The following ZFAND3 variants were observed in gnomAD, a reference collection of about 807,000 sequenced individuals.
ZFAND3 encodes AN1-type zinc finger protein 3.
ZFAND3 carries 10 observed loss-of-function variants against 29.6 expected under a neutral mutation model. The ratio of observed to expected loss-of-function variants is 0.34; its 90% CI spans 0.21 to 0.57. The LOEUF (loss-of-function observed/expected upper bound fraction) is 0.57. Ranked by LOEUF, ZFAND3 falls within the 20% of genes least tolerant of loss-of-function variation. The probability of loss-of-function intolerance (pLI) is 0.86; values close to 1 mark genes in which losing one functional copy is unlikely to be tolerated. For synonymous variants in ZFAND3, 128 were observed against 112.6 expected (o/e 1.14, Z -0.87); for missense variants, 230 against 304.5 (o/e 0.76, Z 1.82).
intron 2 of ZFAND3, among the ~76,000 whole-genome samples, chr6:37,963,856 T>C (rs1310680055): frequency 6.6e-6 from 1 of 152,168 alleles, no homozygotes; most frequent in Non-Finnish European, 1.5e-5. Context: ...AGCAACAGAG[T>C]AAGTAAATAA....
At chr6:38,064,161 T>C (rs1764297125) in intron 3 of ZFAND3, among the ~76,000 whole-genome samples, 1 of 152,204 alleles carries the variant, frequency 6.6e-6, no homozygotes, top group South Asian at 2.1e-4. Context: ...TAAGAACTCC[T>C]GGTCTAAGGA....
chr6:38,009,108 G>A (rs1490267047), intron 2 of ZFAND3, among the ~76,000 whole-genome samples: 3 of 152,202 alleles, frequency 2.0e-5, no homozygotes, highest in Non-Finnish European at 2.9e-5. Context: ...GAAGACCTGA[G>A]CAGAGGGAAT....
intron 5 of ZFAND3, among the ~76,000 whole-genome samples, chr6:38,127,858 C>T (rs1562009674): frequency 6.6e-6 from 1 of 152,174 alleles, no homozygotes; most frequent in East Asian, 1.9e-4. Flanking sequence ...GCAGTGCCTG[C>T]TCCTCCCTTC....
chr6:37,995,146 C>CA (rs1762828495), intron 2 of ZFAND3, among the ~76,000 whole-genome samples: 1 of 152,132 alleles, frequency 6.6e-6, no homozygotes, highest in African/African-American at 2.4e-5. Flanking sequence ...TGCAGTATGC[C>CA]ATGTCAAGGC....
At chr6:37,946,831 CAT>C (rs1347654013) in intron 2 of ZFAND3, among the ~76,000 whole-genome samples, 16 of 152,202 alleles carry the variant, frequency 1.1e-4, no homozygotes, top group African/African-American at 3.9e-4. Context: ...CTACAGTAGT[CAT>C]ATTCATAGAG....
At chr6:38,104,802 T>C (rs1765175688) in intron 4 of ZFAND3, among the ~76,000 whole-genome samples, 1 of 152,208 alleles carries the variant, frequency 6.6e-6, no homozygotes, top group Non-Finnish European at 1.5e-5. Flanking sequence ...TTCCTATATT[T>C]GCCCCAGGAT....
At chr6:37,855,700 C>T (rs1343685287) in intron 1 of ZFAND3, among the ~76,000 whole-genome samples, 1 of 152,084 alleles carries the variant, frequency 6.6e-6, no homozygotes, top group African/African-American at 2.4e-5. Context: ...GGTGGGACTG[C>T]ATTGATTTAA....
chr6:37,929,325 A>G (rs1761548682), intron 1 of ZFAND3, among the ~76,000 whole-genome samples: 2 of 152,226 alleles, frequency 1.3e-5, no homozygotes, highest in African/African-American at 4.8e-5. Flanking sequence ...GATTAATAAG[A>G]TAATGTATGC....
At chr6:37,880,947 C>T (rs1764882782) in intron 1 of ZFAND3, among the ~76,000 whole-genome samples, 1 of 149,410 alleles carries the variant, frequency 6.7e-6, no homozygotes, top group African/African-American at 2.5e-5. Flanking sequence ...ACCAGCATGG[C>T]ACATGTATAC....
intron 2 of ZFAND3, among the ~76,000 whole-genome samples, chr6:38,046,784 G>A (rs1763912313): frequency 6.6e-6 from 1 of 152,158 alleles, no homozygotes; most frequent in African/African-American, 2.4e-5. Context: ...GATTTTAGTT[G>A]CTTGGAAATA....
At chr6:37,983,264 A>G (rs1242186622) in intron 2 of ZFAND3, among the ~76,000 whole-genome samples, 1 of 149,424 alleles carries the variant, frequency 6.7e-6, no homozygotes, top group East Asian at 2.0e-4. Flanking sequence ...TTTACTGACC[A>G]TTCACTTACC....
rs1385290254 is a variant in ZFAND3, at chr6:38,154,183, T to C, written c.*1794T>C. ...CAGCCCTTGGCCACCATACGGGCCA[T>C]CCTCAGTGAGGCAGCCCCCCATAGG... On this transcript the variant is annotated 3_prime_UTR_variant, in exon 6 of 6. Coordinates refer to ENST00000287218, the MANE Select transcript of ZFAND3 (RefSeq NM_021943.3). 1 of 985,490 alleles carries C rather than the reference T, an allele frequency of 1.0e-6. No homozygotes were observed. The highest frequency in any genetic ancestry group is 1.2e-6 in the Non-Finnish European group (1 of 830,044). 61.0% of individuals were successfully genotyped at this position (985,490 alleles called of 1,614,324 possible).
rs191032270 is a variant in ZFAND3, at chr6:38,131,333, G to A, written c.529+14594G>A. ...TGATATTGGTTCTTTTCTTCTTCTG[G>A]GTTTGTGATTCCCCTCTTAAGGAGT... is the stretch of plus-strand genomic sequence containing the variant. On this transcript the variant is annotated intron_variant, in intron 5 of 5. Transcript: ENST00000287218. 7.9e-5 allele frequency among the ~76,000 whole-genome samples: 12 copies of A among 151,824 alleles called. No homozygotes were observed. The East Asian group carries it at 2.3e-3, about 29-fold the overall frequency.
chr6:37,864,355 C>A (rs1424041278), intron 1 of ZFAND3, among the ~76,000 whole-genome samples: 1 of 152,108 alleles, frequency 6.6e-6, no homozygotes, highest in East Asian at 1.9e-4. Flanking sequence ...AGAGCTTTTG[C>A]TTTGAGGGCT....
intron 1 of ZFAND3, among the ~76,000 whole-genome samples, chr6:37,884,152 G>T (rs1262787811): frequency 6.9e-6 from 1 of 145,278 alleles, no homozygotes; most frequent in Non-Finnish European, 1.5e-5. Context: ...GGCTTTACAA[G>T]TGATTGAAAA....
chr6:37,830,017 A>G (rs1248794642), intron 1 of ZFAND3, among the ~76,000 whole-genome samples: 1 of 152,222 alleles, frequency 6.6e-6, no homozygotes, highest in African/African-American at 2.4e-5. Flanking sequence ...TTCTAGGATT[A>G]TATATTCTAA....
rs142519025 is a variant in ZFAND3 at position 37,828,334 on chromosome 6, G to C, written c.71+8318G>C. Among the ~76,000 whole-genome samples, 69 of 152,248 alleles carry C rather than the reference G, an allele frequency of 4.5e-4. 1 individual carries two copies. The East Asian group carries it at 0.013, about 28-fold the overall frequency. ...GTTGAGGAACACAGAGTGGGTGGTG[G>C]GCTTTGCTGTCAGTTCTGTGCTTTG... On this transcript the variant is annotated intron_variant, in intron 1 of 5. Transcript: ENST00000287218.
intron 2 of ZFAND3, among the ~76,000 whole-genome samples, chr6:37,979,990 A>C (rs1343264840): frequency 6.6e-6 from 1 of 152,146 alleles, no homozygotes; most frequent in African/African-American, 2.4e-5. Context: ...CAAGCACTGC[A>C]CCCTTCGGAG....
At chr6:37,946,858 G>A (rs368347342) in intron 2 of ZFAND3, among the ~76,000 whole-genome samples, 185 of 152,272 alleles carry the variant, frequency 1.2e-3, no homozygotes, top group African/African-American at 4.1e-3. Context: ...ATAGAATGGT[G>A]GTTTCCAGGG....
Sources: gnomAD v4.1 joint callset for allele counts (sites outside exome capture counted in the v4.1 genomes callset) on GRCh38, gnomAD v4.1.1 for gene constraint, MANE v1.5 for transcripts, NCBI Gene and HGNC (gene_info 2026-07-23, HGNC 2026-07-21) for gene names.